Variants in FUT8 observed in about 807,000 individuals in gnomAD.
FUT8 encodes the protein alpha-(1,6)-fucosyltransferase.
A neutral mutation model predicts 71.3 loss-of-function variants in FUT8; 29 were observed. The ratio of observed to expected loss-of-function variants is 0.41; its 90% CI spans 0.30 to 0.55. The LOEUF (loss-of-function observed/expected upper bound fraction) is 0.55, where lower values mean the gene tolerates loss of function less well. FUT8 is among the 20% of genes least tolerant of loss of function. FUT8 has a pLI of 0.34. For synonymous variants in FUT8, 254 were observed against 239.3 expected, an observed-to-expected ratio of 1.06 and a Z score of -0.57; for missense variants, 544 against 702.1, an observed-to-expected ratio of 0.77 and a Z score of 2.55.
chr14:65,426,564 A>G (rs924935666), intron 1 of FUT8, among the ~76,000 whole-genome samples: 3 of 152,206 alleles, frequency 2.0e-5, no homozygotes, highest in Non-Finnish European at 4.4e-5. Flanking sequence ...TTATTTTAAC[A>G]AAGTCTGTAT....
chr14:65,727,117 G>A (rs761888410), intron 9 of FUT8, among the ~76,000 whole-genome samples: 135 of 152,236 alleles, frequency 8.9e-4, no homozygotes, highest in Admixed American at 2.6e-3. Flanking sequence ...CTGCTTTCAC[G>A]GGCTGTCATT....
At position 65,642,220 on chromosome 14, in the gene FUT8, A is replaced by C. The variant is rs530458270; in HGVS notation, c.597+12614A>C. ...TCACGTAAACTAAGAATTGAGGTTC[A>C]TTTTTTTGCATATAGCTATTCAATT... is the stretch of plus-strand genomic sequence containing the variant. On this transcript the variant is annotated intron_variant, in intron 6 of 10. Coordinates refer to ENST00000673929, the MANE Select transcript of FUT8 (RefSeq NM_001371533.1). Among the ~76,000 whole-genome samples, 15 of 152,192 alleles carry C rather than the reference A, an allele frequency of 9.9e-5. No homozygotes were observed. In the South Asian group the frequency reaches 2.7e-3, roughly 27 times the overall value.
chr14:65,415,309 A>G (rs1595342385), intron 1 of FUT8, among the ~76,000 whole-genome samples: 2 of 152,318 alleles, frequency 1.3e-5, no homozygotes, highest in Non-Finnish European at 1.5e-5. Flanking sequence ...TGATGTGGGC[A>G]TATATATGTA....
intron 1 of FUT8, among the ~76,000 whole-genome samples, chr14:65,422,113 C>T (rs911795106): frequency 7.2e-5 from 11 of 151,988 alleles, no homozygotes; most frequent in Admixed American, 2.0e-4. Context: ...CATGGGGTTC[C>T]GGGTGGCCAG....
intron 8 of FUT8, among the ~76,000 whole-genome samples, chr14:65,722,556 G>T (rs533484888): frequency 5.3e-5 from 8 of 152,152 alleles, no homozygotes; most frequent in Non-Finnish European, 1.0e-4. Flanking sequence ...AGTGTTAGAC[G>T]TAAAGAAGGT....
intron 1 of FUT8, among the ~76,000 whole-genome samples, chr14:65,445,440 A>G (rs192577626): frequency 2.8e-4 from 42 of 152,266 alleles, no homozygotes; most frequent in Admixed American, 2.3e-3. Flanking sequence ...TGGCAGCACA[A>G]AATGGACCAG....
At chr14:65,657,787 C>T (rs1367808988) in intron 6 of FUT8, among the ~76,000 whole-genome samples, 1 of 151,838 alleles carries the variant, frequency 6.6e-6, no homozygotes, top group Non-Finnish European at 1.5e-5. Context: ...GGGTGATAGT[C>T]AATAATACAT....
the FUT8 span, among the ~76,000 whole-genome samples, chr14:65,356,860 T>A: frequency 1.3e-5 from 2 of 152,238 alleles, no homozygotes; most frequent in East Asian, 3.8e-4. This position sits in a 1 kb window ranked among gnomAD's most constrained non-coding sequence, Gnocchi z 4.6. Context: ...AGCAGGGTAC[T>A]GGAACACCGG....
chr14:65,690,221 T>A lies in FUT8; in HGVS notation c.835+20741T>A, dbSNP rs182954498. Among the ~76,000 whole-genome samples the A allele has an allele frequency of 3.2e-3, 488 of 152,340 alleles. 2 individuals are homozygous for A. The highest frequency in any genetic ancestry group is 0.011 in the African/African-American group (440 of 41,578). On this transcript the variant is annotated intron_variant, in intron 7 of 10. Coordinates refer to ENST00000673929, the MANE Select transcript of FUT8 (RefSeq NM_001371533.1). ...ATGTGGGTCTTTTTCTGGGATCTTC[T>A]GTTCCATTCATCTATTTGTCTGTTT...
chr14:65,673,314 T>C (rs888461835), intron 7 of FUT8, among the ~76,000 whole-genome samples: 4 of 152,208 alleles, frequency 2.6e-5, no homozygotes, highest in Non-Finnish European at 5.9e-5. Flanking sequence ...AGTAATTCAA[T>C]TAAAGTATTT....
Position 65,448,851 on chromosome 14 carries a change from A to G in FUT8, c.-325-6770A>G, listed in dbSNP as rs1402166890. ...ACTGTAAAAGCATCTTGACTGTAAT[A>G]GATACTGATACGATTTTCCTTTATA... On this transcript the variant is annotated intron_variant, in intron 1 of 10. Transcript: ENST00000673929. Among the ~76,000 whole-genome samples, 3 of 152,230 alleles carry G rather than the reference A, an allele frequency of 2.0e-5. No homozygotes were observed. In the East Asian group the frequency reaches 5.8e-4, roughly 29 times the overall value.
intron 2 of FUT8, among the ~76,000 whole-genome samples, chr14:65,519,353 A>G (rs952257216): frequency 6.6e-6 from 1 of 152,224 alleles, no homozygotes; most frequent in Non-Finnish European, 1.5e-5. Context: ...TAATTTACCT[A>G]ATGTTGAATT....
intron 2 of FUT8, among the ~76,000 whole-genome samples, chr14:65,544,941 C>T (rs918809809): frequency 2.0e-5 from 3 of 151,684 alleles, no homozygotes; most frequent in African/African-American, 7.3e-5. Flanking sequence ...CTTTTCCTCC[C>T]TGTCTTACCC....
intron 6 of FUT8, among the ~76,000 whole-genome samples, chr14:65,667,166 C>T (rs1892257302): frequency 6.6e-6 from 1 of 151,980 alleles, no homozygotes; most frequent in South Asian, 2.1e-4. Context: ...AAGTCCTAGC[C>T]AGAGCAGACA....
chr14:65,690,853 G>A (rs1594900269), intron 7 of FUT8, among the ~76,000 whole-genome samples: 1 of 151,930 alleles, frequency 6.6e-6, no homozygotes, highest in African/African-American at 2.4e-5. Context: ...AGCCTTCCGA[G>A]TAGCTGGGAT....
chr14:65,687,504 G>A (rs1282922152), intron 7 of FUT8, among the ~76,000 whole-genome samples: 1 of 152,000 alleles, frequency 6.6e-6, no homozygotes. Flanking sequence ...AACACCTATT[G>A]CTGAAAAACC....
chr14:65,456,633 G>C lies in FUT8; in HGVS notation c.-228+915G>C, dbSNP rs144468953. Reference sequence around the variant, plus strand: ...CTCAAACCTGTAATCCCAGCACTTTGGGAGGCTGAGGCGGGCGGATCATGA... The same window carrying C: ...CTCAAACCTGTAATCCCAGCACTTTCGGAGGCTGAGGCGGGCGGATCATGA... On this transcript the variant is annotated intron_variant, in intron 2 of 10. Transcript: ENST00000673929. Among the ~76,000 whole-genome samples the C allele has an allele frequency of 5.6e-4, 85 of 152,146 alleles. No individual in the cohort carries two copies. The East Asian group carries it at 0.013, about 23-fold the overall frequency.
At chr14:65,650,034 C>T (rs945353688) in intron 6 of FUT8, among the ~76,000 whole-genome samples, 12 of 152,118 alleles carry the variant, frequency 7.9e-5, no homozygotes, top group South Asian at 4.1e-4. Context: ...CGGTGGCTCA[C>T]GCCTGTAATG....
intron 7 of FUT8, among the ~76,000 whole-genome samples, chr14:65,716,908 CCCCA>C (rs1895101545): frequency 1.4e-5 from 2 of 143,192 alleles, no homozygotes; most frequent in Non-Finnish European, 3.0e-5. Context: ...CAGAGGCGCT[CCCCA>C]CTTCCCAGAT....
Sources: allele counts gnomAD v4.1 joint callset (sites outside exome capture counted in the v4.1 genomes callset), GRCh38; gene constraint gnomAD v4.1.1; non-coding constraint Gnocchi (gnomAD v3.1); transcripts MANE v1.5; gene names NCBI Gene and HGNC (gene_info 2026-07-23, HGNC 2026-07-21).